Variants in MTF2 observed in about 807,000 individuals in gnomAD.
The protein encoded by MTF2 is metal-response element-binding transcription factor 2.
In MTF2, 11 loss-of-function variants were observed where a neutral mutation model predicts 79.5. The observed-to-expected ratio is 0.14, with a 90% CI of 0.09 to 0.23. The LOEUF is 0.23. MTF2 is among the 10% of genes least tolerant of loss of function. MTF2 has a pLI of 1.00. For missense variants in MTF2, 486 were observed against 711.2 expected (o/e 0.68, Z 3.60); for synonymous variants, 208 against 232.8 (o/e 0.89, Z 0.97).
chr1:93,091,786 A>G (rs1270046919), intron 1 of MTF2, among the ~76,000 whole-genome samples: 1 of 152,198 alleles, frequency 6.6e-6, no homozygotes, highest in Non-Finnish European at 1.5e-5. Context: ...TTTGCTGTAG[A>G]TCAGTACTGG....
chr1:93,119,235 T>A, intron 7 of MTF2, 98 bp from the exon 8 acceptor site: 1 of 782,578 alleles, frequency 1.3e-6, no homozygotes, highest in Non-Finnish European at 2.0e-6. Context: ...AGTCTTTATA[T>A]CAGCTGTAGG....
chr1:93,103,436 G>A (rs1034044571), intron 1 of MTF2, among the ~76,000 whole-genome samples: 2 of 151,390 alleles, frequency 1.3e-5, no homozygotes, highest in East Asian at 1.9e-4. Flanking sequence ...TTATATTTAC[G>A]TAACAGATGG....
At chr1:93,114,824 A>G (rs1462037593) in intron 4 of MTF2, 41 bp downstream of exon 4, 2 of 1,470,796 alleles carry the variant, frequency 1.4e-6, no homozygotes, top group Non-Finnish European at 1.9e-6. Context: ...ATACTGAATG[A>G]CTATGTTGAA....
intron 1 of MTF2, among the ~76,000 whole-genome samples, chr1:93,082,773 A>G (rs951824315): frequency 2.6e-5 from 4 of 152,170 alleles, no homozygotes; most frequent in African/African-American, 9.7e-5. Context: ...TATACTCACA[A>G]AGTTGTGCAG....
At chr1:93,097,025 G>A (rs1203138868) in intron 1 of MTF2, among the ~76,000 whole-genome samples, 1 of 151,884 alleles carries the variant, frequency 6.6e-6, no homozygotes, top group Non-Finnish European at 1.5e-5. Context: ...GCCTAGGCTG[G>A]TCTCAAACTC....
At chr1:93,130,591 T>C (rs1405005709) in intron 11 of MTF2, among the ~76,000 whole-genome samples, 2 of 151,756 alleles carry the variant, frequency 1.3e-5, no homozygotes, top group African/African-American at 2.4e-5. Flanking sequence ...AAAAAAAATA[T>C]TGTTTTGGAT....
At position 93,079,438 on chromosome 1, in the gene MTF2, A is replaced by C; in HGVS notation, c.-89A>C. ...GTACCCGGTGGGGCGGGTGCCCAGT[A>C]AGTGCTCGGACTCGCAGGGGAAGCG... On this transcript the variant is annotated 5_prime_UTR_variant, in exon 1 of 15. An upstream open reading frame in the 5' UTR loses its in-frame stop. Transcript: ENST00000370298. The C allele has an allele frequency of 1.3e-6, 2 of 1,552,088 alleles. No homozygotes were observed. The highest frequency in any genetic ancestry group is 1.8e-6 in the Non-Finnish European group (2 of 1,125,944).
intron 1 of MTF2, among the ~76,000 whole-genome samples, chr1:93,091,023 C>T (rs1054621141): frequency 8.6e-5 from 13 of 150,658 alleles, no homozygotes; most frequent in African/African-American, 2.7e-4. Flanking sequence ...TATGAATGTT[C>T]AAACATTTTT....
chr1:93,136,791 G>A lies in MTF2; in HGVS notation c.1546G>A (p.Val516Ile). 1 of 1,614,140 alleles carries A rather than the reference G, an allele frequency of 6.2e-7. No homozygotes were observed. Among genetic ancestry groups the A allele is most frequent in the Non-Finnish European group, 8.5e-7 (1 of 1,180,012 alleles). Residue 516 changes from valine (V) to isoleucine (I), a missense_variant, in exon 15 of 15, where the codon GTA becomes ATA. This residue lies in a region of MTF2 where 209 missense variants were observed against 206.5 expected (regional missense o/e 1.01). Transcript: ENST00000370298. ...RALQTQNSEI[V>I]KDDEGKEDYQ... ...ACTCCAGACTCAGAACTCAGAAATT[G>A]TAAAAGATGATGAAGGCAAAGAAGA... is the stretch of plus-strand genomic sequence containing the variant.
chr1:93,084,076 T>TG (rs1654731753), intron 1 of MTF2, among the ~76,000 whole-genome samples: 1 of 152,148 alleles, frequency 6.6e-6, no homozygotes, highest in East Asian at 1.9e-4. Flanking sequence ...CTTTTTTTTT[T>TG]GCTTATGCTT....
At chr1:93,108,114 C>T (rs978843898) in intron 1 of MTF2, among the ~76,000 whole-genome samples, 3 of 152,158 alleles carry the variant, frequency 2.0e-5, no homozygotes, top group Non-Finnish European at 4.4e-5. Flanking sequence ...AGTTTTGCTC[C>T]TACATACTTC....
chr1:93,115,587 C>G lies in MTF2; in HGVS notation c.601C>G (p.Gln201Glu). ...TGCAGGTCATAAAACCAATGTCCAG[C>G]AGTGTTACTGCTATTGTGGAGGCCC... is the stretch of plus-strand genomic sequence containing the variant. Reference protein sequence around the residue: ...WDAGHKTNVQQCYCYCGGPGD... With the variant: ...WDAGHKTNVQECYCYCGGPGD... The change falls in exon 6 of 15, where the codon CAG (glutamine) becomes GAG (glutamate). Residue 201 changes from glutamine to glutamate, a missense_variant. Gln to Glu is a conservative substitution (Grantham distance 29, BLOSUM62 2). This residue lies in a region of MTF2 where 177 missense variants were observed against 364.0 expected (regional missense o/e 0.49). Coordinates refer to ENST00000370298, the MANE Select transcript of MTF2 (RefSeq NM_007358.4). 1 of 1,610,232 alleles carries G rather than the reference C, an allele frequency of 6.2e-7. No individual in the cohort carries two copies. The highest frequency in any genetic ancestry group is 1.1e-5 in the South Asian group (1 of 90,426).
chr1:93,092,906 G>T (rs554847238), intron 1 of MTF2, among the ~76,000 whole-genome samples: 1 of 152,254 alleles, frequency 6.6e-6, no homozygotes, highest in Admixed American at 6.5e-5. Context: ...TTAGAGGCCG[G>T]GTGCGATGGC....
At chr1:93,087,389 C>T (rs546136763) in intron 1 of MTF2, among the ~76,000 whole-genome samples, 17 of 152,194 alleles carry the variant, frequency 1.1e-4, no homozygotes, top group South Asian at 2.1e-4. Flanking sequence ...GTGACCAACA[C>T]GGTAAAACCC....
chr1:93,114,660 C>G, intron 3 of MTF2, 28 bp from the exon 4 acceptor site: 1 of 1,549,392 alleles, frequency 6.5e-7, no homozygotes, highest in Admixed American at 2.1e-5. Flanking sequence ...TTATGACTCT[C>G]TTTTTTAATG....
At chr1:93,098,556 G>C (rs1571223871) in intron 1 of MTF2, among the ~76,000 whole-genome samples, 2 of 152,114 alleles carry the variant, frequency 1.3e-5, no homozygotes, top group South Asian at 4.1e-4. Context: ...ACTCTCATTG[G>C]ACTTTTATTA....
At chr1:93,098,444 C>T (rs1655387372) in intron 1 of MTF2, among the ~76,000 whole-genome samples, 1 of 152,174 alleles carries the variant, frequency 6.6e-6, no homozygotes, top group Admixed American at 6.5e-5. Context: ...CCACATTTGT[C>T]TCTCTTAACA....
At chr1:93,121,520 T>C in intron 9 of MTF2, 1 of 985,014 alleles carries the variant, frequency 1.0e-6, no homozygotes, top group Non-Finnish European at 1.2e-6. Context: ...ATTTGTAGCT[T>C]TGAGACACGA....
intron 9 of MTF2, among the ~76,000 whole-genome samples, chr1:93,124,828 C>CA (rs890059513): frequency 5.5e-5 from 8 of 145,150 alleles, no homozygotes; most frequent in Middle Eastern, 3.5e-3. Flanking sequence ...GAGGGGGGAG[C>CA]AAAAAAAAAA....
Sources: allele counts gnomAD v4.1 joint callset (sites outside exome capture counted in the v4.1 genomes callset), GRCh38; gene constraint gnomAD v4.1.1; regional missense constraint gnomAD v4.1.1; transcripts MANE v1.5; gene names NCBI Gene and HGNC (gene_info 2026-07-23, HGNC 2026-07-21).